Variants in HHLA1 observed in about 807,000 individuals in gnomAD.
HHLA1 encodes HERV-H LTR-associating protein 1.
HHLA1 carries 72 observed loss-of-function variants against 69.9 expected under a neutral mutation model. That is an observed-to-expected ratio of 1.03 (90% CI 0.85 to 1.25). HHLA1 has a LOEUF of 1.25. Among genes scored for constraint, HHLA1 ranks in the 50% most tolerant of loss-of-function variants. The probability of loss-of-function intolerance (pLI) is 0.00; values close to 1 mark genes in which losing one functional copy is unlikely to be tolerated. For synonymous variants in HHLA1, 252 were observed against 233.2 expected (o/e 1.08, Z -0.73); for missense variants, 685 against 642.2 (o/e 1.07, Z -0.72).
intron 15 of HHLA1, among the ~76,000 whole-genome samples, 152 bp from the exon 16 acceptor site, chr8:132,066,120 G>T (rs747981274): frequency 3.1e-4 from 47 of 152,146 alleles, no homozygotes; most frequent in Admixed American, 2.8e-3. Flanking sequence ...GGGTGTCAGA[G>T]GAGAGATAGG....
chr8:132,065,163 A>G (rs1823412647), intron 16 of HHLA1, among the ~76,000 whole-genome samples: 1 of 152,228 alleles, frequency 6.6e-6, no homozygotes, highest in Non-Finnish European at 1.5e-5. Flanking sequence ...AAATAAATGA[A>G]GTTTTGAAGC....
At chr8:132,072,218 A>C (rs1057391539) in intron 14 of HHLA1, among the ~76,000 whole-genome samples, 5 of 152,210 alleles carry the variant, frequency 3.3e-5, no homozygotes, top group African/African-American at 1.2e-4. Context: ...AGGAGACAAC[A>C]AATTATTTTT....
chr8:132,076,419 T>TTCCCCCCCCCCCCCCC, intron 13 of HHLA1, 56 bp downstream of exon 13: 1 of 596,554 alleles, frequency 1.7e-6, no homozygotes, highest in East Asian at 3.3e-5. Flanking sequence ...TCCCCAAGCT[T>TTCCCCCCCCCCCCCCC]CCCACCCCTC....
intron 5 of HHLA1, among the ~76,000 whole-genome samples, chr8:132,098,273 A>G (rs986798999): frequency 2.0e-5 from 3 of 152,224 alleles, no homozygotes; most frequent in South Asian, 2.1e-4. Context: ...AAAGAAGATT[A>G]CAATAATATT....
intron 10 of HHLA1, among the ~76,000 whole-genome samples, chr8:132,083,087 G>A (rs368480877): frequency 2.7e-5 from 4 of 150,728 alleles, no homozygotes; most frequent in Non-Finnish European, 5.9e-5. Flanking sequence ...GGGTTAAGGT[G>A]GGGGGGATAC....
Position 132,087,073 on chromosome 8 carries a change from G to A in HHLA1, c.676+580C>T, listed in dbSNP as rs112521019. On this transcript the variant is annotated intron_variant, in intron 10 of 16. Transcript: ENST00000414222. ...CATACAAGTGCTGTGTTATGGGACC[G>A]TAGAAGACAAAGACTGACTTTTATT... Among the ~76,000 whole-genome samples the A allele has an allele frequency of 4.6e-3, 696 of 152,322 alleles. 5 individuals carry two copies. The highest frequency in any genetic ancestry group is 0.016 in the African/African-American group (650 of 41,570).
intron 3 of HHLA1, 84 bp downstream of exon 3, chr8:132,104,024 T>C (rs1824161373): frequency 2.3e-6 from 2 of 869,384 alleles, no homozygotes; most frequent in African/African-American, 1.7e-5. Flanking sequence ...CGCTGTCTTA[T>C]CAGTAGAGAA....
chr8:132,105,176 G>A lies in HHLA1; in HGVS notation c.79+11C>T, dbSNP rs745789037. ...CAGAACAGACACTTGCAGAACTCCA[G>A]CTAGACCCACCTGTGTTCCAAAGGG... On this transcript the variant is annotated intron_variant, in intron 2 of 16. Coordinates refer to ENST00000414222, the MANE Select transcript of HHLA1 (RefSeq NM_001145095.3). 1 of 1,547,690 alleles carries A rather than the reference G, an allele frequency of 6.5e-7. No individual in the cohort carries two copies.
intron 15 of HHLA1, among the ~76,000 whole-genome samples, chr8:132,068,313 C>T (rs528216806): frequency 2.0e-4 from 31 of 152,282 alleles, no homozygotes; most frequent in South Asian, 1.2e-3. Flanking sequence ...GAGAATCTTG[C>T]CTCTATGATC....
intron 12 of HHLA1, 136 bp from the exon 13 acceptor site, chr8:132,076,679 A>T (rs1391597336): frequency 5.9e-6 from 3 of 506,032 alleles, no homozygotes; most frequent in Non-Finnish European, 1.0e-5. Flanking sequence ...TTTAAGAAGC[A>T]GAGATGAGTA....
In HHLA1 at chr8:132,076,146, T is replaced by G. The variant is rs2130880586; in HGVS notation, c.1241-17A>C. On this transcript the variant is annotated splice_polypyrimidine_tract_variant and intron_variant, in intron 13 of 16. Transcript: ENST00000414222. ...AGAGATCACCTGCAAAGGGCAGGAA[T>G]GGCCTTCCAGAAGTCAGAATGGAAT... is the stretch of plus-strand genomic sequence containing the variant. 1.3e-6 allele frequency: 2 copies of G among 1,543,440 alleles called. No individual in the cohort carries two copies. The highest frequency in any genetic ancestry group is 2.4e-5 in the East Asian group (1 of 40,880).
chr8:132,089,648 G>A (rs1393697868), intron 7 of HHLA1, 49 bp from the exon 8 acceptor site: 7 of 897,316 alleles, frequency 7.8e-6, no homozygotes, highest in African/African-American at 6.6e-5. Context: ...GAGACAAAAG[G>A]AGAAAAGTAT....
chr8:132,108,377 C>T (rs1824240453), intron 1 of HHLA1, among the ~76,000 whole-genome samples: 1 of 152,102 alleles, frequency 6.6e-6, no homozygotes, highest in Admixed American at 6.6e-5. Context: ...GTAAGCAAGA[C>T]AGATAATGTT....
Position 132,079,972 on chromosome 8 carries a change from G to A in HHLA1, c.677-6C>T. On this transcript the variant is annotated splice_polypyrimidine_tract_variant and splice_region_variant and intron_variant, in intron 10 of 16. Coordinates refer to ENST00000414222, the MANE Select transcript of HHLA1 (RefSeq NM_001145095.3). ...AGTTCCCCTGGTAGCTGCACCTTCAGGGAGGCAGTCAATGGTAACATTAAC... is the reference window on the plus strand; with the variant it reads ...AGTTCCCCTGGTAGCTGCACCTTCAAGGAGGCAGTCAATGGTAACATTAAC... 6.4e-7 allele frequency: 1 copy of A among 1,552,308 alleles called. No homozygotes were observed. The highest frequency in any genetic ancestry group is 8.7e-7 in the Non-Finnish European group (1 of 1,147,144).
At chr8:132,085,092 G>T (rs975369228) in intron 10 of HHLA1, among the ~76,000 whole-genome samples, 22 of 152,268 alleles carry the variant, frequency 1.4e-4, no homozygotes, top group African/African-American at 5.3e-4. Context: ...AGAAAAGTGG[G>T]ACTTGCCGCT....
chr8:132,105,332 C>A (rs1824186248), intron 1 of HHLA1, 46 bp from the exon 2 acceptor site: 1 of 1,195,944 alleles, frequency 8.4e-7, no homozygotes. Context: ...CACATGGATG[C>A]AGACCTTCCT....
At chr8:132,082,603 T>C (rs1367067077) in intron 10 of HHLA1, among the ~76,000 whole-genome samples, 3 of 152,134 alleles carry the variant, frequency 2.0e-5, no homozygotes, top group African/African-American at 7.2e-5. Flanking sequence ...TGTGAAGCTT[T>C]GCAGCAGTAC....
intron 16 of HHLA1, 134 bp from the exon 17 acceptor site, chr8:132,064,172 C>A: frequency 3.1e-6 from 1 of 322,648 alleles, no homozygotes; most frequent in South Asian, 3.5e-5. Context: ...GTGCACTGGA[C>A]AGGGGTCACT....
chr8:132,086,701 C>G (rs905761154), intron 10 of HHLA1, among the ~76,000 whole-genome samples: 1 of 152,180 alleles, frequency 6.6e-6, no homozygotes, highest in African/African-American at 2.4e-5. Context: ...AAGATCTGTC[C>G]TGAGAATCGG....
Sources: allele counts gnomAD v4.1 joint callset (sites outside exome capture counted in the v4.1 genomes callset), GRCh38; gene constraint gnomAD v4.1.1; transcripts MANE v1.5; gene names NCBI Gene and HGNC (gene_info 2026-07-23, HGNC 2026-07-21).